ATXN10: variants seen among roughly 807,000 people sequenced by gnomAD.
The protein encoded by ATXN10 is ataxin-10.
ATXN10 carries 28 observed loss-of-function variants against 52.9 expected under a neutral mutation model. The ratio of observed to expected loss-of-function variants is 0.53; its 90% CI spans 0.39 to 0.73. The LOEUF (loss-of-function observed/expected upper bound fraction) is 0.73. Ranked by LOEUF, ATXN10 falls within the 30% of genes least tolerant of loss-of-function variation. ATXN10 has a pLI of 0.00. For missense variants in ATXN10, 565 were observed against 577.0 expected (o/e 0.98, Z 0.21); for synonymous variants, 226 against 221.5 (o/e 1.02, Z -0.18).
At chr22:45,734,305 T>C (rs962674909) in intron 7 of ATXN10, 2 of 175,474 alleles carry the variant, frequency 1.1e-5, no homozygotes, top group Non-Finnish European at 2.5e-5. Context: ...CTCGTTAATG[T>C]TTTTCAGTGA....
At chr22:45,673,989 T>G (rs1922580641) in intron 1 of ATXN10, 2 of 152,108 alleles carry the variant, frequency 1.3e-5, no homozygotes, top group South Asian at 4.1e-4. Context: ...CTCTATCTCT[T>G]GTGAGGGAAG....
rs1927438474 is a variant in ATXN10 at position 45,789,618 on chromosome 22, T to G, written c.1174-17341T>G. ...AGGGGTTAGTATGTTAATACAGCTC[T>G]CTCCACGACAAGAAGAAGAGAGGGA... On this transcript the variant is annotated intron_variant, in intron 9 of 11. Coordinates refer to ENST00000252934, the MANE Select transcript of ATXN10 (RefSeq NM_013236.4). The surrounding 1 kb of genome is among the most constrained non-coding windows in gnomAD (Gnocchi z 4.0). 6.6e-6 allele frequency among the ~76,000 whole-genome samples: 1 copy of G among 152,180 alleles called. No homozygotes were observed. Among genetic ancestry groups the G allele is most frequent in the Non-Finnish European group, 1.5e-5 (1 of 68,026 alleles).
intron 5 of ATXN10, among the ~76,000 whole-genome samples, chr22:45,716,699 G>A (rs1287107810): frequency 6.6e-6 from 1 of 151,814 alleles, no homozygotes; most frequent in Non-Finnish European, 1.5e-5. Flanking sequence ...TACTTTGAGA[G>A]GATAGAAAAA....
intron 9 of ATXN10, among the ~76,000 whole-genome samples, chr22:45,765,208 A>G (rs1451880040): frequency 6.6e-6 from 1 of 152,110 alleles, no homozygotes; most frequent in Admixed American, 6.5e-5. Flanking sequence ...AGGCAATGGC[A>G]GGAGGAAAGA....
rs1483769239 is a variant in ATXN10 at position 45,744,031 on chromosome 22, C to T, written c.1173+3493C>T. Among the ~76,000 whole-genome samples, 3 of 152,106 alleles carry T rather than the reference C, an allele frequency of 2.0e-5. No homozygotes were observed. The highest frequency in any genetic ancestry group is 4.4e-5 in the Non-Finnish European group (3 of 68,004). ...GCCAGCCAGGCCCCTTAGACTCCCT[C>T]CTGGTTGAAGTTGGGAGCTCTTGGG... On this transcript the variant is annotated intron_variant, in intron 9 of 11. Transcript: ENST00000252934. The surrounding 1 kb of genome is among the most constrained non-coding windows in gnomAD (Gnocchi z 4.9).
intron 9 of ATXN10, among the ~76,000 whole-genome samples, chr22:45,800,837 G>A (rs963620857): frequency 1.3e-5 from 2 of 152,144 alleles, no homozygotes; most frequent in African/African-American, 4.8e-5. Flanking sequence ...GTTATAGAAC[G>A]GACAAAATTT....
chr22:45,785,426 T>C (rs1927289492), intron 9 of ATXN10, among the ~76,000 whole-genome samples: 1 of 152,234 alleles, frequency 6.6e-6, no homozygotes, highest in South Asian at 2.1e-4. Context: ...TTTTTTCTTA[T>C]GATTCAGCTA....
intron 1 of ATXN10, among the ~76,000 whole-genome samples, chr22:45,680,720 T>A (rs1823314703): frequency 6.6e-6 from 1 of 151,938 alleles, no homozygotes; most frequent in South Asian, 2.1e-4. Context: ...TGCCTCAGCC[T>A]CCCATAGTAT....
intron 6 of ATXN10, 81 bp from the exon 7 acceptor site, chr22:45,729,344 T>TA (rs1924995262): frequency 1.4e-6 from 2 of 1,407,802 alleles, no homozygotes; most frequent in African/African-American, 2.8e-5. Context: ...AATATTCCCT[T>TA]AAAGTTGCTT....
At chr22:45,758,972 C>A (rs1926277582) in intron 9 of ATXN10, among the ~76,000 whole-genome samples, 1 of 152,136 alleles carries the variant, frequency 6.6e-6, no homozygotes, top group Non-Finnish European at 1.5e-5. Flanking sequence ...AGATTTAAAT[C>A]TTTAGAGTTA....
rs1352905650 is a variant in ATXN10 at position 45,841,110 on chromosome 22, TG to T, written c.1238-1879del. ...GCACAAAGTGGGGGTTCAGTGATCATGGAAAAGAGGCGGATATTCAAATTTA... is the reference window on the plus strand; with the variant it reads ...GCACAAAGTGGGGGTTCAGTGATCATGAAAAGAGGCGGATATTCAAATTTA... On this transcript the variant is annotated intron_variant, in intron 10 of 11. Coordinates refer to ENST00000252934, the MANE Select transcript of ATXN10 (RefSeq NM_013236.4). The surrounding 1 kb of genome is among the most constrained non-coding windows in gnomAD (Gnocchi z 5.1). 2.6e-5 allele frequency among the ~76,000 whole-genome samples: 4 copies of T among 152,246 alleles called. No homozygotes were observed. Among genetic ancestry groups the T allele is most frequent in the African/African-American group, 9.6e-5 (4 of 41,472 alleles).
chr22:45,713,279 T>A (rs1464300836), intron 5 of ATXN10, among the ~76,000 whole-genome samples: 2 of 152,132 alleles, frequency 1.3e-5, no homozygotes, highest in Non-Finnish European at 2.9e-5. Context: ...TACTTTAAAA[T>A]CAATCATAAA....
chr22:45,726,323 T>G (rs906733318), intron 6 of ATXN10, among the ~76,000 whole-genome samples: 1 of 152,192 alleles, frequency 6.6e-6, no homozygotes, highest in Non-Finnish European at 1.5e-5. Flanking sequence ...TTTTTGTTAT[T>G]GATTCAATCT....
At chr22:45,672,276 C>G in intron 1 of ATXN10, 97 bp downstream of exon 1, 1 of 1,216,474 alleles carries the variant, frequency 8.2e-7, no homozygotes, top group Non-Finnish European at 1.0e-6. Context: ...CCCCGCCTCG[C>G]TGGAGACGCG....
chr22:45,692,281 G>A (rs1473373248), intron 2 of ATXN10, among the ~76,000 whole-genome samples: 1 of 152,036 alleles, frequency 6.6e-6, no homozygotes, highest in African/African-American at 2.4e-5. Flanking sequence ...AGTTATCGGT[G>A]GTCTTTTGGT....
At chr22:45,779,918 A>G (rs1327407128) in intron 9 of ATXN10, among the ~76,000 whole-genome samples, 1 of 152,254 alleles carries the variant, frequency 6.6e-6, no homozygotes, top group African/African-American at 2.4e-5. Context: ...TTCTGAAAAA[A>G]AAATCTCTGA....
rs1334018412 is a variant in ATXN10, at chr22:45,672,152, C to A, written c.89C>A (p.Thr30Lys). The A allele has an allele frequency of 3.2e-6, 5 of 1,539,120 alleles. No homozygotes were observed. The highest frequency in any genetic ancestry group is 3.5e-6 in the Non-Finnish European group (4 of 1,145,012). Reference protein sequence around the residue: ...IQDLEALRALTALFKEQRNRE... With the variant: ...IQDLEALRALKALFKEQRNRE... The stretch of plus-strand genomic sequence containing the variant: ...GACCTGGAGGCCCTGCGCGCGCTCA[C>A]GGCGCTCTTCAAAGAGCAGCGGAAC... The change falls in exon 1 of 12, where the codon ACG becomes AAG. Residue 30 changes from threonine to lysine, a missense_variant. Physicochemically the swap from Thr to Lys is moderately conservative, Grantham distance 78. Coordinates refer to ENST00000252934, the MANE Select transcript of ATXN10 (RefSeq NM_013236.4).
rs562128510 is a variant in ATXN10, at chr22:45,715,469, T to G, written c.648-2944T>G. 3.9e-5 allele frequency among the ~76,000 whole-genome samples: 6 copies of G among 152,366 alleles called. No homozygotes were observed. In the East Asian group the frequency reaches 1.2e-3, roughly 29 times the overall value. The stretch of plus-strand genomic sequence containing the variant: ...AGGCCGCATGCAGCCCAGGATGGCT[T>G]TGAATGCTACCTAACACAAATTTGT... On this transcript the variant is annotated intron_variant, in intron 5 of 11. Transcript: ENST00000252934. This position sits in a 1 kb window ranked among gnomAD's most constrained non-coding sequence, Gnocchi z 4.4.
intron 3 of ATXN10, among the ~76,000 whole-genome samples, chr22:45,699,490 C>CTTTTT (rs917191404): frequency 8.5e-5 from 10 of 117,282 alleles, no homozygotes; most frequent in Admixed American, 2.6e-4. Flanking sequence ...TTTTTCTTTC[C>CTTTTT]TTTTTTTTTT....
Sources: gnomAD v4.1 joint callset for allele counts (sites outside exome capture counted in the v4.1 genomes callset) on GRCh38, gnomAD v4.1.1 for gene constraint, Gnocchi (gnomAD v3.1) non-coding constraint, MANE v1.5 for transcripts, NCBI Gene and HGNC (gene_info 2026-07-23, HGNC 2026-07-21) for gene names.